The following ITGA1 variants were observed in gnomAD, a reference collection of about 807,000 sequenced individuals.
ITGA1 encodes integrin subunit alpha 1.
Under a neutral mutation model 145.9 loss-of-function variants are expected in ITGA1, and 85 were observed. The observed-to-expected ratio is 0.58, with a 90% confidence interval of 0.49 to 0.70. The LOEUF is 0.70. ITGA1 is among the 30% of genes least tolerant of loss of function. The pLI is 0.00. For missense variants in ITGA1, 1,351 were observed against 1,418.7 expected, an observed-to-expected ratio of 0.95 and a Z score of 0.77; for synonymous variants, 520 against 495.3, an observed-to-expected ratio of 1.05 and a Z score of -0.66.
chr5:52,826,343 G>A (rs1342435856), intron 1 of ITGA1, among the ~76,000 whole-genome samples: 1 of 152,182 alleles, frequency 6.6e-6, no homozygotes, highest in Non-Finnish European at 1.5e-5. Context: ...AAAGTTGGAA[G>A]CTAGCAGAGG....
At position 52,844,255 on chromosome 5, in the gene ITGA1, C is replaced by T. The variant is rs542038849; in HGVS notation, c.62-5110C>T. 4.6e-5 allele frequency among the ~76,000 whole-genome samples: 7 copies of T among 152,248 alleles called. No individual in the cohort carries two copies. The South Asian group carries it at 1.5e-3, about 32-fold the overall frequency. ...AGAAGTTAGATCTGGAGCTCTGTGG[C>T]CAGGACTTTTCTCCTTACTCAGACT... On this transcript the variant is annotated intron_variant, in intron 1 of 28. Transcript: ENST00000282588.
chr5:52,852,556 T>A (rs1185844144), intron 2 of ITGA1, among the ~76,000 whole-genome samples: 1 of 152,064 alleles, frequency 6.6e-6, no homozygotes. Context: ...ACTGGCTCAT[T>A]GGGAAATGGG....
At chr5:52,866,793 A>G (rs565697913) in intron 6 of ITGA1, among the ~76,000 whole-genome samples, 2 of 152,338 alleles carry the variant, frequency 1.3e-5, no homozygotes, top group South Asian at 4.1e-4. Context: ...AATTAAATAC[A>G]TTTGACTGAT....
chr5:52,956,358 G>A lies in ITGA1; in HGVS notation c.*3907G>A, dbSNP rs1751304751. 6.6e-6 allele frequency: 1 copy of A among 152,180 alleles called. No homozygotes were observed. The highest frequency in any genetic ancestry group is 1.5e-5 in the Non-Finnish European group (1 of 68,032). 9.4% of individuals were successfully genotyped at this position (152,180 alleles called of 1,614,324 possible). ...AAATAAAGTGGCTTCTGACAAATCA[G>A]TTTTTCAAAATAGCATCCTATGTAC... is the stretch of plus-strand genomic sequence containing the variant. On this transcript the variant is annotated 3_prime_UTR_variant, in exon 29 of 29. Coordinates refer to ENST00000282588, the MANE Select transcript of ITGA1 (RefSeq NM_181501.2).
intron 1 of ITGA1, among the ~76,000 whole-genome samples, chr5:52,845,927 G>T (rs1323273665): frequency 1.3e-5 from 2 of 152,182 alleles, no homozygotes; most frequent in African/African-American, 4.8e-5. Context: ...GCATCACCTA[G>T]CACTAGGGAT....
chr5:52,805,765 G>T (rs1748579573), intron 1 of ITGA1, among the ~76,000 whole-genome samples: 1 of 151,936 alleles, frequency 6.6e-6, no homozygotes, highest in Non-Finnish European at 1.5e-5. Context: ...TCTTAACATA[G>T]TATCTCTGAT....
intron 1 of ITGA1, among the ~76,000 whole-genome samples, chr5:52,828,860 G>A (rs1749010391): frequency 6.6e-6 from 1 of 152,118 alleles, no homozygotes; most frequent in Non-Finnish European, 1.5e-5. Context: ...ATGGTTCCTG[G>A]CAATCCTTAG....
intron 1 of ITGA1, chr5:52,825,201 A>G (rs1452308837): frequency 6.6e-6 from 1 of 152,212 alleles, no homozygotes; most frequent in African/African-American, 2.4e-5. Flanking sequence ...AAATCAGACA[A>G]TAAAAAGGTA....
At chr5:52,912,810 G>C (rs560633844) in intron 14 of ITGA1, among the ~76,000 whole-genome samples, 1 of 149,600 alleles carries the variant, frequency 6.7e-6, no homozygotes, top group South Asian at 2.1e-4. Context: ...GCAGTGGCAC[G>C]ATCTCAGCTT....
chr5:52,801,954 A>T, intron 1 of ITGA1: 1 of 712,676 alleles, frequency 1.4e-6, no homozygotes, highest in Non-Finnish European at 2.3e-6. Context: ...TCATACAGGG[A>T]TTTCTTATGT....
At chr5:52,788,877 CT>C (rs576011764) in intron 1 of ITGA1, among the ~76,000 whole-genome samples, 1 of 151,928 alleles carries the variant, frequency 6.6e-6, no homozygotes, top group African/African-American at 2.4e-5. Context: ...ACTATTTAGG[CT>C]TTTTTCCCAT....
In ITGA1 at chr5:52,947,431, G is replaced by C. The variant is rs752368125; in HGVS notation, c.3465G>C (p.Leu1155=). The change falls in exon 28 of 29, where the codon CTG becomes CTC. Residue 1155 remains leucine (L), a synonymous_variant. Transcript: ENST00000282588. ...TGAGTGCTTTTGCCGGATTGTTGCT[G>C]TTAATGCTGCTCATTTTAGCACTGT... ...ILLSAFAGLL[L]LMLLILALWK... is the part of the protein sequence containing the mutation. The C allele has an allele frequency of 6.2e-7, 1 of 1,613,298 alleles. No homozygotes were observed. The highest frequency in any genetic ancestry group is 8.5e-7 in the Non-Finnish European group (1 of 1,179,310).
In ITGA1 at chr5:52,918,794, A is replaced by G. The variant is rs1187582485; in HGVS notation, c.2051A>G (p.Gln684Arg). 12 of 1,612,824 alleles carry G rather than the reference A, an allele frequency of 7.4e-6. No homozygotes were observed. The highest frequency in any genetic ancestry group is 1.7e-5 in the Admixed American group (1 of 59,832). The change falls in exon 16 of 29, where the codon CAA (glutamine) becomes CGA (arginine). Residue 684 changes from glutamine (Q) to arginine (R), a missense_variant. Physicochemically the swap from Gln to Arg is conservative, Grantham distance 43 (BLOSUM62 1). Transcript: ENST00000282588. ...TTTGAGCCAAATAAAGTGAATATTC[A>G]AAAGAAAAACTGCCATATGGAGGGA... ...MNFEPNKVNI[Q>R]KKNCHMEGKE...
rs76618051 is a variant in ITGA1 at position 52,871,165 on chromosome 5, T to C, written c.624+5348T>C. Among the ~76,000 whole-genome samples the C allele has an allele frequency of 7.2e-5, 11 of 152,340 alleles. No homozygotes were observed. In the East Asian group the frequency reaches 2.1e-3, roughly 29 times the overall value. On this transcript the variant is annotated intron_variant, in intron 6 of 28. Coordinates refer to ENST00000282588, the MANE Select transcript of ITGA1 (RefSeq NM_181501.2). ...AGATTTAACTACAAATGCGCTTTGATGTTTCGCCTTGTTGGTTTTAATTTA... is the reference window on the plus strand; with the variant it reads ...AGATTTAACTACAAATGCGCTTTGACGTTTCGCCTTGTTGGTTTTAATTTA...
intron 2 of ITGA1, among the ~76,000 whole-genome samples, chr5:52,860,343 C>G (rs145491808): frequency 8.6e-5 from 13 of 151,868 alleles, no homozygotes; most frequent in Non-Finnish European, 1.3e-4. Flanking sequence ...GTCAAGAGAC[C>G]GAGACTATCC....
chr5:52,800,130 G>C (rs1368482677), intron 1 of ITGA1: 1 of 439,894 alleles, frequency 2.3e-6, no homozygotes, highest in Non-Finnish European at 4.1e-6. Flanking sequence ...CTGCCAGCGG[G>C]AACTGTGTAG....
intron 1 of ITGA1, among the ~76,000 whole-genome samples, chr5:52,835,076 C>T (rs1749142997): frequency 6.6e-6 from 1 of 152,246 alleles, no homozygotes; most frequent in Non-Finnish European, 1.5e-5. Flanking sequence ...CTTCCACTTA[C>T]TTTTTTTGGG....
chr5:52,864,437 A>T (rs571069910), intron 3 of ITGA1, among the ~76,000 whole-genome samples: 1 of 152,350 alleles, frequency 6.6e-6, no homozygotes, highest in South Asian at 2.1e-4. Context: ...AGATTACATT[A>T]TATCTACAGT....
intron 9 of ITGA1, among the ~76,000 whole-genome samples, chr5:52,894,614 C>T (rs554134521): frequency 2.1e-4 from 32 of 152,238 alleles, no homozygotes; most frequent in Non-Finnish European, 4.0e-4. Context: ...AGGGAACATG[C>T]GCCTTTTCTC....
Sources: allele counts gnomAD v4.1 joint callset (sites outside exome capture counted in the v4.1 genomes callset), GRCh38; gene constraint gnomAD v4.1.1; transcripts MANE v1.5; gene names NCBI Gene and HGNC (gene_info 2026-07-23, HGNC 2026-07-21).